Variants in ZNF521 observed in about 807,000 individuals in gnomAD.
The protein encoded by ZNF521 is zinc finger protein 521.
ZNF521 carries 14 observed loss-of-function variants against 105.5 expected under a neutral mutation model. The ratio of observed to expected loss-of-function variants is 0.13; its 90% CI spans 0.09 to 0.21. The LOEUF (loss-of-function observed/expected upper bound fraction) is 0.21, where lower values mean the gene tolerates loss of function less well. Ranked by LOEUF, ZNF521 falls within the 10% of genes least tolerant of loss-of-function variation. The pLI, the probability that ZNF521 is intolerant of heterozygous loss-of-function variation, is 1.00. For missense variants in ZNF521, 1,233 were observed against 1,629.7 expected (o/e 0.76, Z 4.19); for synonymous variants, 635 against 606.0 (o/e 1.05, Z -0.70).
chr18:25,218,397 G>A (rs1199666351), intron 4 of ZNF521, among the ~76,000 whole-genome samples: 2 of 148,876 alleles, frequency 1.3e-5, no homozygotes, highest in Admixed American at 6.8e-5. Flanking sequence ...AGTGACTCAC[G>A]CCTGTAATCC....
intron 5 of ZNF521, among the ~76,000 whole-genome samples, chr18:25,167,131 T>A (rs1392229839): frequency 6.6e-6 from 1 of 152,216 alleles, no homozygotes; most frequent in East Asian, 1.9e-4. Context: ...GGGTACTTAC[T>A]GTCTCACAGG....
At chr18:25,212,737 G>A (rs1212094454) in intron 4 of ZNF521, among the ~76,000 whole-genome samples, 1 of 150,448 alleles carries the variant, frequency 6.6e-6, no homozygotes, top group East Asian at 1.9e-4. Context: ...TTTCAGTAAT[G>A]TTTTATCATT....
intron 3 of ZNF521, among the ~76,000 whole-genome samples, chr18:25,247,023 T>C (rs1907768045): frequency 6.6e-6 from 1 of 152,168 alleles, no homozygotes; most frequent in African/African-American, 2.4e-5. Context: ...TTTTCAGGTG[T>C]GTTCTAGCTA....
intron 5 of ZNF521, among the ~76,000 whole-genome samples, chr18:25,194,395 C>T (rs908036410): frequency 6.6e-6 from 1 of 151,386 alleles, no homozygotes; most frequent in Admixed American, 6.6e-5. Flanking sequence ...GCTGGTAAAA[C>T]GTTTAGTGTT....
At chr18:25,133,825 G>T (rs1225691243) in intron 5 of ZNF521, among the ~76,000 whole-genome samples, 8 of 151,774 alleles carry the variant, frequency 5.3e-5, no homozygotes, top group African/African-American at 1.5e-4. Flanking sequence ...TTAGTTAAAG[G>T]CCTGAGGGAA....
chr18:25,249,721 C>G (rs572111114), intron 3 of ZNF521, among the ~76,000 whole-genome samples: 4 of 152,128 alleles, frequency 2.6e-5, no homozygotes, highest in Non-Finnish European at 5.9e-5. Flanking sequence ...CTCACACTCC[C>G]GAAGTGCTGG....
chr18:25,248,542 T>C (rs1462950999), intron 3 of ZNF521, among the ~76,000 whole-genome samples: 2 of 152,222 alleles, frequency 1.3e-5, no homozygotes, highest in Non-Finnish European at 2.9e-5. Flanking sequence ...AGTTAGCATA[T>C]TAATTTGAAA....
At chr18:25,328,111 G>C (rs1600313754) in intron 2 of ZNF521, among the ~76,000 whole-genome samples, 1 of 152,140 alleles carries the variant, frequency 6.6e-6, no homozygotes, top group African/African-American at 2.4e-5. Flanking sequence ...TTTTACAGAA[G>C]AAGAAAAGGA....
rs371594481 is a variant in ZNF521 at position 25,342,579 on chromosome 18, T to A, written c.40+8328A>T. Among the ~76,000 whole-genome samples, 2 of 94,788 alleles carry A rather than the reference T, an allele frequency of 2.1e-5. 1 individual carries two copies. The highest frequency in any genetic ancestry group is 2.4e-4 in the Admixed American group (2 of 8,396). 62.2% of individuals were successfully genotyped at this position (94,788 alleles called of 152,430 possible). On this transcript the variant is annotated intron_variant, in intron 2 of 7. Transcript: ENST00000361524. ...AAGTAGCTGGGACTACAGGCGCCCG[T>A]CACCACGCCCGGCTAATTTTTTGTA...
chr18:25,206,658 C>T (rs1350930751), intron 4 of ZNF521, among the ~76,000 whole-genome samples: 1 of 152,022 alleles, frequency 6.6e-6, no homozygotes, highest in Non-Finnish European at 1.5e-5. Flanking sequence ...GCATGTCCCC[C>T]TTTCTCTTAG....
At chr18:25,260,328 G>A (rs1308040936) in intron 3 of ZNF521, among the ~76,000 whole-genome samples, 3 of 152,134 alleles carry the variant, frequency 2.0e-5, no homozygotes, top group South Asian at 4.1e-4. Flanking sequence ...AGTAAGCTAA[G>A]GTTGGTAGTT....
chr18:25,186,904 TAAA>T (rs113619835), intron 5 of ZNF521, among the ~76,000 whole-genome samples: 1 of 74,326 alleles, frequency 1.3e-5, no homozygotes, highest in Non-Finnish European at 3.1e-5. Flanking sequence ...AAAGTAATGC[TAAA>T]AAAAAAAAAA....
chr18:25,100,258 T>C (rs1024937901), intron 5 of ZNF521, among the ~76,000 whole-genome samples: 1 of 152,062 alleles, frequency 6.6e-6, no homozygotes, highest in African/African-American at 2.4e-5. Context: ...CACAAGAAAT[T>C]GAGTGAGGTT....
chr18:25,062,511 C>T lies in ZNF521; in HGVS notation c.*201G>A. 1.6e-6 allele frequency: 1 copy of T among 625,666 alleles called. No homozygotes were observed. Among genetic ancestry groups the T allele is most frequent in the Non-Finnish European group, 2.7e-6 (1 of 376,548 alleles). 38.8% of individuals were successfully genotyped at this position (625,666 alleles called of 1,614,324 possible). A position where few individuals can be genotyped will look rare whatever the true frequency, so the allele number is the denominator to read the frequency against. ...AGTATCAGACGACATAATACATGTG[C>T]AACACTTTATATACAAGGGGTCTAT... On this transcript the variant is annotated 3_prime_UTR_variant, in exon 8 of 8. Transcript: ENST00000361524.
intron 5 of ZNF521, among the ~76,000 whole-genome samples, chr18:25,107,036 G>T (rs1790407729): frequency 6.6e-6 from 1 of 152,184 alleles, no homozygotes; most frequent in Admixed American, 6.5e-5. Context: ...CATGCGACAT[G>T]GTGGAGAGGT....
At chr18:25,082,251 A>G (rs1383682608) in intron 7 of ZNF521, among the ~76,000 whole-genome samples, 8 of 152,146 alleles carry the variant, frequency 5.3e-5, no homozygotes, top group Non-Finnish European at 1.2e-4. Context: ...AGTCTTTGTG[A>G]TGTGCTTAAG....
At chr18:25,286,795 T>G (rs1345483787) in intron 3 of ZNF521, among the ~76,000 whole-genome samples, 2 of 152,004 alleles carry the variant, frequency 1.3e-5, no homozygotes, top group Non-Finnish European at 2.9e-5. Flanking sequence ...AGACGCAGAG[T>G]CTAGGCCAAG....
In ZNF521 at chr18:25,320,028, T is replaced by C. The variant is rs188970561; in HGVS notation, c.220+1980A>G. ...AGAGAACATTCCAGGTTAAAGGAGG[T>C]AAAAGAGATGACAGTTAAATGTTAT... On this transcript the variant is annotated intron_variant, in intron 3 of 7. Transcript: ENST00000361524. 2.6e-5 allele frequency among the ~76,000 whole-genome samples: 4 copies of C among 152,164 alleles called. No individual in the cohort carries two copies. In the East Asian group the frequency reaches 7.7e-4, roughly 29 times the overall value.
At chr18:25,149,528 C>T (rs144042502) in intron 5 of ZNF521, among the ~76,000 whole-genome samples, 1 of 152,222 alleles carries the variant, frequency 6.6e-6, no homozygotes, top group Admixed American at 6.5e-5. Context: ...TTTATATTGG[C>T]TCATGTTTAA....
Sources: gnomAD v4.1 joint callset for allele counts (sites outside exome capture counted in the v4.1 genomes callset) on GRCh38, gnomAD v4.1.1 for gene constraint, MANE v1.5 for transcripts, NCBI Gene and HGNC (gene_info 2026-07-23, HGNC 2026-07-21) for gene names.